The following CNTN4 variants were observed in gnomAD, a reference collection of about 807,000 sequenced individuals.
The protein encoded by CNTN4 is contactin 4, also known as contactin-4.
CNTN4 carries 77 observed loss-of-function variants against 122.5 expected under a neutral mutation model. That is an observed-to-expected ratio of 0.63 (90% CI 0.52 to 0.76). The LOEUF is 0.76. CNTN4 is among the 30% of genes least tolerant of loss of function. The pLI is 0.00. For synonymous variants in CNTN4, 512 were observed against 447.0 expected (o/e 1.15, Z -1.83); for missense variants, 1,256 against 1,259.1 (o/e 1.00, Z 0.04).
chr3:2,275,550 A>G (rs2041473639), intron 2 of CNTN4, among the ~76,000 whole-genome samples: 1 of 151,824 alleles, frequency 6.6e-6, no homozygotes. Context: ...ATTCACAATT[A>G]TATATTATAT....
intron 7 of CNTN4, among the ~76,000 whole-genome samples, chr3:2,865,610 A>G (rs1174299120): frequency 2.6e-5 from 4 of 152,188 alleles, no homozygotes; most frequent in African/African-American, 9.6e-5. Flanking sequence ...AAAGTGGGAC[A>G]TGTTGGCTAC....
At chr3:2,554,459 G>C (rs1419370050) in intron 3 of CNTN4, among the ~76,000 whole-genome samples, 1 of 152,080 alleles carries the variant, frequency 6.6e-6, no homozygotes, top group South Asian at 2.1e-4. Flanking sequence ...TTTGTACAAT[G>C]ATTTTGAGTA....
chr3:2,680,050 T>G (rs185070436), intron 4 of CNTN4, among the ~76,000 whole-genome samples: 127 of 152,348 alleles, frequency 8.3e-4, no homozygotes, highest in Non-Finnish European at 1.5e-3. Context: ...GTTCATTACG[T>G]TTGCCAGCAC....
chr3:2,545,749 C>G (rs1559216389), intron 3 of CNTN4, among the ~76,000 whole-genome samples: 1 of 151,852 alleles, frequency 6.6e-6, no homozygotes, highest in East Asian at 1.9e-4. Context: ...TTATCTTGAG[C>G]CTGTGAGTGT....
intron 4 of CNTN4, among the ~76,000 whole-genome samples, chr3:2,600,007 TC>T (rs368872673): frequency 0.18 from 16,023 of 89,604 alleles, 4,199 homozygotes; most frequent in Non-Finnish European, 0.22. Context: ...ATGGAATTCT[TC>T]TTTTTTTTTT....
intron 4 of CNTN4, among the ~76,000 whole-genome samples, chr3:2,726,586 A>T (rs1240442439): frequency 6.6e-6 from 1 of 152,198 alleles, no homozygotes; most frequent in African/African-American, 2.4e-5. Context: ...CTGATATCTC[A>T]TTTACATTTC....
intron 6 of CNTN4, among the ~76,000 whole-genome samples, chr3:2,806,371 A>G (rs1175599253): frequency 1.3e-5 from 2 of 152,174 alleles, no homozygotes; most frequent in African/African-American, 4.8e-5. Context: ...CATTCCTCAC[A>G]ACATCTTCCA....
chr3:2,649,880 G>C (rs1293980350), intron 4 of CNTN4, among the ~76,000 whole-genome samples: 2 of 151,788 alleles, frequency 1.3e-5, no homozygotes, highest in Non-Finnish European at 2.9e-5. Context: ...TGTAATACTA[G>C]CACTTTGAGA....
chr3:2,804,449 A>T (rs2092418116), intron 6 of CNTN4, among the ~76,000 whole-genome samples: 1 of 152,208 alleles, frequency 6.6e-6, no homozygotes, highest in Non-Finnish European at 1.5e-5. Flanking sequence ...CCTTATCTAT[A>T]AAAAGGAATA....
chr3:2,404,511 T>C (rs1403217105), intron 3 of CNTN4, among the ~76,000 whole-genome samples: 1 of 152,144 alleles, frequency 6.6e-6, no homozygotes, highest in African/African-American at 2.4e-5. Context: ...CTCTCTGCTC[T>C]CCCTTTCTAC....
At chr3:2,300,433 C>G (rs2042462465) in intron 2 of CNTN4, among the ~76,000 whole-genome samples, 1 of 151,844 alleles carries the variant, frequency 6.6e-6, no homozygotes, top group Non-Finnish European at 1.5e-5. Context: ...AAACCAAAGA[C>G]ATTGAAAATT....
At chr3:2,308,029 A>G (rs1003644538) in intron 2 of CNTN4, among the ~76,000 whole-genome samples, 2 of 152,248 alleles carry the variant, frequency 1.3e-5, no homozygotes, top group African/African-American at 4.8e-5. Context: ...CCTTCTGCTC[A>G]TGGACTTTTT....
At chr3:2,797,395 C>T (rs185818840) in intron 6 of CNTN4, among the ~76,000 whole-genome samples, 5 of 152,238 alleles carry the variant, frequency 3.3e-5, no homozygotes, top group Admixed American at 6.5e-5. Context: ...GTCAGGAGTT[C>T]GAGACCAACC....
chr3:2,914,707 AAAG>A (rs1211411383), intron 12 of CNTN4, among the ~76,000 whole-genome samples: 1 of 152,234 alleles, frequency 6.6e-6, no homozygotes, highest in Non-Finnish European at 1.5e-5. Context: ...CCAAATACTT[AAAG>A]AAGAATTAAC....
intron 7 of CNTN4, among the ~76,000 whole-genome samples, chr3:2,829,490 T>A (rs1044467564): frequency 1.3e-5 from 2 of 152,190 alleles, no homozygotes; most frequent in Non-Finnish European, 2.9e-5. Flanking sequence ...AAGGGAGGAA[T>A]TGGGGCCTGG....
At chr3:2,416,835 T>C (rs922717129) in intron 3 of CNTN4, among the ~76,000 whole-genome samples, 2 of 152,222 alleles carry the variant, frequency 1.3e-5, no homozygotes, top group Admixed American at 6.5e-5. Flanking sequence ...TTTGTATTTT[T>C]AGTAGAGACG....
chr3:3,039,969 AC>A, intron 19 of CNTN4, 67 bp from the exon 20 acceptor site: 2 of 1,141,098 alleles, frequency 1.8e-6, no homozygotes. Flanking sequence ...TACAAGGGAA[AC>A]AAAAACGATT....
chr3:2,881,280 A>C (rs954703500), intron 8 of CNTN4, among the ~76,000 whole-genome samples: 10 of 152,152 alleles, frequency 6.6e-5, no homozygotes, highest in African/African-American at 2.2e-4. Context: ...TGGGAGGCCG[A>C]GGCAGACAGA....
intron 6 of CNTN4, among the ~76,000 whole-genome samples, chr3:2,772,700 C>T (rs952440114): frequency 6.6e-5 from 10 of 152,100 alleles, no homozygotes; most frequent in Non-Finnish European, 1.0e-4. Context: ...GTAGGATACT[C>T]AGCAGTTGAA....
Sources: gnomAD v4.1 joint callset for allele counts (sites outside exome capture counted in the v4.1 genomes callset) on GRCh38, gnomAD v4.1.1 for gene constraint, MANE v1.5 for transcripts, NCBI Gene and HGNC (gene_info 2026-07-23, HGNC 2026-07-21) for gene names.